DENND2B: variants seen among roughly 807,000 people sequenced by gnomAD.
DENND2B encodes the protein DENN domain-containing protein 2B.
In DENND2B, 32 loss-of-function variants were observed where a neutral mutation model predicts 116.0. The ratio of observed to expected loss-of-function variants is 0.28; its 90% CI spans 0.21 to 0.37. The LOEUF (loss-of-function observed/expected upper bound fraction) is 0.37. Ranked by LOEUF, DENND2B falls within the 10% of genes least tolerant of loss-of-function variation. DENND2B has a pLI of 1.00. For synonymous variants in DENND2B, 588 were observed against 583.9 expected (o/e 1.01, Z -0.10); for missense variants, 1,276 against 1,477.7 (o/e 0.86, Z 2.24).
At chr11:8,718,137 A>G (rs1297078006) in intron 4 of DENND2B, 14 of 51,966 alleles carry the variant, frequency 2.7e-4, no homozygotes, top group Non-Finnish European at 4.7e-4. Context: ...AGCCCAGCTC[A>G]GCCTGGCCTC....
chr11:8,825,298 T>C (rs548289075), intron 4 of DENND2B, among the ~76,000 whole-genome samples: 12 of 152,354 alleles, frequency 7.9e-5, no homozygotes, highest in African/African-American at 2.6e-4. Flanking sequence ...TTTTTTCATA[T>C]GCTTGTTGGC....
chr11:8,802,725 G>A (rs534102239), intron 1 of DENND2B, among the ~76,000 whole-genome samples: 9 of 152,246 alleles, frequency 5.9e-5, no homozygotes, highest in African/African-American at 2.2e-4. Flanking sequence ...AAACAGTGAT[G>A]GAAATATTTA....
At chr11:8,746,248 T>A (rs1368178165) in intron 2 of DENND2B, among the ~76,000 whole-genome samples, 1 of 152,222 alleles carries the variant, frequency 6.6e-6, no homozygotes, top group Non-Finnish European at 1.5e-5. Flanking sequence ...AATCTGTGCC[T>A]ACATTGGCCA....
At chr11:8,815,194 G>A (rs1333037841), upstream of DENND2B, among the ~76,000 whole-genome samples, 1 of 151,710 alleles carries the variant, frequency 6.6e-6, no homozygotes, top group Non-Finnish European at 1.5e-5. Context: ...CCCCTCCATG[G>A]TGCAAGACAC....
intron 1 of DENND2B, among the ~76,000 whole-genome samples, chr11:8,771,349 A>G (rs1321416572): frequency 6.6e-6 from 1 of 152,030 alleles, no homozygotes; most frequent in Non-Finnish European, 1.5e-5. Context: ...CATATAGAGT[A>G]TGGGGTATAC....
chr11:8,733,910 C>T (rs999256679), intron 2 of DENND2B, among the ~76,000 whole-genome samples: 3 of 152,214 alleles, frequency 2.0e-5, no homozygotes, highest in Non-Finnish European at 4.4e-5. Flanking sequence ...TAGACTGGCC[C>T]TTTCCTCTGA....
At chr11:8,892,909 C>A (rs1217794098) in intron 1 of DENND2B, among the ~76,000 whole-genome samples, 3 of 152,172 alleles carry the variant, frequency 2.0e-5, no homozygotes, top group Non-Finnish European at 4.4e-5. Flanking sequence ...AGGCCAGCAT[C>A]ATTCTGATAC....
intron 1 of DENND2B, 88 bp from the exon 2 acceptor site, chr11:8,750,813 A>ACAGACACCCTCTTGGC: frequency 8.3e-7 from 1 of 1,202,460 alleles, no homozygotes; most frequent in Non-Finnish European, 1.2e-6. Context: ...CAAAAGTGCC[A>ACAGACACCCTCTTGGC]AGAGGGTGTC....
chr11:8,816,018 A>T (rs961569939), intron 4 of DENND2B, among the ~76,000 whole-genome samples: 1 of 152,234 alleles, frequency 6.6e-6, no homozygotes, highest in Non-Finnish European at 1.5e-5. Flanking sequence ...AAGACAACTG[A>T]AATTCTGAAC....
In DENND2B at chr11:8,702,647, C is replaced by T. The variant is rs148817707; in HGVS notation, c.2645G>A (p.Ser882Asn). 34 of 1,613,896 alleles carry T rather than the reference C, an allele frequency of 2.1e-5. No individual in the cohort carries two copies. In the African/African-American group the frequency reaches 4.0e-4, roughly 19 times the overall value. Reference protein sequence around the residue: ...VDFECLFTCLSVRQLIRIFAS... With the variant: ...VDFECLFTCLNVRQLIRIFAS... ...AAAGATTCGGATGAGCTGGCGCACA[C>T]TGAGGCAGGTAAAAAGGCACTCAAA... The change falls in exon 14 of 20, where the codon AGT (serine) becomes AAT (asparagine). Residue 882 changes from serine to asparagine, a missense_variant. Coordinates refer to ENST00000313726, the MANE Select transcript of DENND2B (RefSeq NM_213618.2). This position sits in a 1 kb window ranked among gnomAD's most constrained non-coding sequence, Gnocchi z 4.6.
At chr11:8,755,609 C>T (rs1279209682) in intron 1 of DENND2B, among the ~76,000 whole-genome samples, 1 of 152,166 alleles carries the variant, frequency 6.6e-6, no homozygotes, top group Admixed American at 6.5e-5. Flanking sequence ...GAAACCAACT[C>T]TAAGCCTCAC....
intron 3 of DENND2B, among the ~76,000 whole-genome samples, chr11:8,839,541 TA>T (rs1214218011): frequency 1.3e-5 from 2 of 152,194 alleles, no homozygotes; most frequent in Non-Finnish European, 2.9e-5. Context: ...GCCAGCTTTC[TA>T]CCCATGCTCA....
At chr11:8,880,377 G>GTGTGTGTGTGTGTC (rs2063891141) in intron 2 of DENND2B, among the ~76,000 whole-genome samples, 2 of 147,848 alleles carry the variant, frequency 1.4e-5, no homozygotes. Context: ...GTGTGTGTGT[G>GTGTGTGTGTGTGTC]TGTGTGTAGT....
intron 1 of DENND2B, among the ~76,000 whole-genome samples, chr11:8,757,900 C>CT (rs1218840711): frequency 6.6e-6 from 1 of 152,184 alleles, no homozygotes; most frequent in African/African-American, 2.4e-5. Flanking sequence ...ATACAGTCTC[C>CT]TTTTTTCTGA....
intron 1 of DENND2B, chr11:8,785,324 T>C (rs910962315): frequency 6.6e-5 from 10 of 152,230 alleles, no homozygotes; most frequent in African/African-American, 2.4e-4. Context: ...TCCTGTTTTC[T>C]GGGATCACTG....
intron 4 of DENND2B, among the ~76,000 whole-genome samples, chr11:8,837,488 C>T (rs569016804): frequency 6.6e-6 from 1 of 152,276 alleles, no homozygotes; most frequent in Middle Eastern, 3.4e-3. Flanking sequence ...GCTGGGAATA[C>T]AGGCGCCCGC....
chr11:8,866,266 C>T (rs77815196), intron 2 of DENND2B, among the ~76,000 whole-genome samples: 9,842 of 152,246 alleles, frequency 0.065, 601 homozygotes, highest in African/African-American at 0.16. Flanking sequence ...ACCTGCAGTC[C>T]TATTTTTCTA....
intron 2 of DENND2B, among the ~76,000 whole-genome samples, chr11:8,879,774 T>C (rs1206333849): frequency 6.6e-6 from 1 of 151,934 alleles, no homozygotes; most frequent in African/African-American, 2.4e-5. Context: ...GTACATATGA[T>C]TGAAAAAAAA....
intron 4 of DENND2B, among the ~76,000 whole-genome samples, chr11:8,825,247 G>A (rs2061933383): frequency 6.6e-6 from 1 of 152,014 alleles, no homozygotes; most frequent in African/African-American, 2.4e-5. Flanking sequence ...TCTCATTGTG[G>A]TTTTGATTTG....
Sources: allele counts gnomAD v4.1 joint callset (sites outside exome capture counted in the v4.1 genomes callset), GRCh38; gene constraint gnomAD v4.1.1; non-coding constraint Gnocchi (gnomAD v3.1); transcripts MANE v1.5; gene names NCBI Gene and HGNC (gene_info 2026-07-23, HGNC 2026-07-21).